The following KCNH8 variants were observed in gnomAD, a reference collection of about 807,000 sequenced individuals.
KCNH8 encodes potassium voltage-gated channel subfamily H member 8, also known as voltage-gated delayed rectifier potassium channel KCNH8.
A neutral mutation model predicts 103.6 loss-of-function variants in KCNH8; 70 were observed. That is an observed-to-expected ratio of 0.68 (90% CI 0.56 to 0.82). KCNH8 has a LOEUF of 0.82. KCNH8 is among the 40% of genes least tolerant of loss of function. The pLI, the probability that KCNH8 is intolerant of heterozygous loss-of-function variation, is 0.00. For missense variants in KCNH8, 1,217 were observed against 1,329.9 expected, an observed-to-expected ratio of 0.92 and a Z score of 1.32; for synonymous variants, 498 against 489.4, an observed-to-expected ratio of 1.02 and a Z score of -0.23.
At chr3:19,357,007 A>T (rs9831335) in intron 5 of KCNH8, among the ~76,000 whole-genome samples, 15,105 of 151,688 alleles carry the variant, frequency 0.1, 914 homozygotes, top group East Asian at 0.17. Context: ...TGAAAAATTT[A>T]AAAAAAAGCA....
chr3:19,517,255 C>T (rs994203888), intron 14 of KCNH8, among the ~76,000 whole-genome samples: 1 of 152,004 alleles, frequency 6.6e-6, no homozygotes, highest in Non-Finnish European at 1.5e-5. Context: ...AATGGATTAC[C>T]TCTGCAAGAT....
chr3:19,447,879 A>C (rs2067385791), intron 8 of KCNH8, among the ~76,000 whole-genome samples: 1 of 152,036 alleles, frequency 6.6e-6, no homozygotes, highest in African/African-American at 2.4e-5. Context: ...GTTGGGAAAC[A>C]TTTAATTTTT....
chr3:19,338,624 A>C (rs141264228), intron 3 of KCNH8, among the ~76,000 whole-genome samples: 1 of 152,036 alleles, frequency 6.6e-6, no homozygotes, highest in African/African-American at 2.4e-5. Context: ...TGGATATTGT[A>C]TTTTCTAGCC....
intron 7 of KCNH8, among the ~76,000 whole-genome samples, chr3:19,430,352 C>G (rs550360050): frequency 9.2e-5 from 14 of 152,094 alleles, no homozygotes; most frequent in African/African-American, 2.9e-4. Context: ...TAGTGCCGTG[C>G]TCTTTTGGTT....
intron 3 of KCNH8, among the ~76,000 whole-genome samples, chr3:19,311,405 G>A (rs927503728): frequency 7.9e-5 from 12 of 151,416 alleles, no homozygotes; most frequent in African/African-American, 2.7e-4. Context: ...TGTACAGCCC[G>A]GTTGCAGAGC....
intron 1 of KCNH8, among the ~76,000 whole-genome samples, chr3:19,232,917 T>G (rs1052642535): frequency 6.6e-6 from 1 of 152,180 alleles, no homozygotes; most frequent in Non-Finnish European, 1.5e-5. Context: ...TTTTTATATA[T>G]TGCTGATGTT....
At chr3:19,266,076 C>T (rs1033887618) in intron 2 of KCNH8, among the ~76,000 whole-genome samples, 11 of 152,038 alleles carry the variant, frequency 7.2e-5, no homozygotes, top group Admixed American at 4.6e-4. Context: ...CTGCAATCCC[C>T]AAGTGTGCAT....
chr3:19,298,512 T>C (rs896598988), intron 3 of KCNH8, among the ~76,000 whole-genome samples: 1 of 152,142 alleles, frequency 6.6e-6, no homozygotes, highest in Non-Finnish European at 1.5e-5. Context: ...AAGAAATCAA[T>C]TGTGAAAGTA....
intron 1 of KCNH8, among the ~76,000 whole-genome samples, chr3:19,149,174 T>G (rs2063104392): frequency 6.6e-6 from 1 of 152,100 alleles, no homozygotes; most frequent in Admixed American, 6.5e-5. Flanking sequence ...GCTCCCTAGA[T>G]CAAAAGGAGA....
chr3:19,439,220 T>C (rs1373544439), intron 8 of KCNH8, among the ~76,000 whole-genome samples: 1 of 152,184 alleles, frequency 6.6e-6, no homozygotes, highest in African/African-American at 2.4e-5. Flanking sequence ...GAGAATTTTA[T>C]GACAATCAAA....
intron 5 of KCNH8, among the ~76,000 whole-genome samples, chr3:19,349,009 C>T (rs963048428): frequency 5.3e-5 from 8 of 151,664 alleles, no homozygotes; most frequent in African/African-American, 1.5e-4. Context: ...AGTTTGTGTG[C>T]TCTTGGTATG....
At chr3:19,463,009 T>C (rs2067664356) in intron 11 of KCNH8, among the ~76,000 whole-genome samples, 1 of 152,202 alleles carries the variant, frequency 6.6e-6, no homozygotes, top group African/African-American at 2.4e-5. Flanking sequence ...GTACTAAATA[T>C]GTACACACGT....
intron 1 of KCNH8, among the ~76,000 whole-genome samples, chr3:19,204,934 A>G (rs1002399167): frequency 2.6e-5 from 4 of 152,114 alleles, no homozygotes; most frequent in African/African-American, 9.6e-5. Flanking sequence ...GAGGACAAAT[A>G]CATGGACAAG....
chr3:19,179,617 T>A (rs1051052599), intron 1 of KCNH8, among the ~76,000 whole-genome samples: 5 of 152,132 alleles, frequency 3.3e-5, no homozygotes, highest in Non-Finnish European at 7.4e-5. Context: ...CAGAATGAAA[T>A]AATAGTAACA....
chr3:19,411,964 C>T (rs1392715655), intron 7 of KCNH8, among the ~76,000 whole-genome samples: 1 of 151,742 alleles, frequency 6.6e-6, no homozygotes, highest in Non-Finnish European at 1.5e-5. Context: ...ACACAATCTA[C>T]AGACTCAGCA....
At chr3:19,168,894 G>T (rs979853978) in intron 1 of KCNH8, among the ~76,000 whole-genome samples, 4 of 151,926 alleles carry the variant, frequency 2.6e-5, no homozygotes, top group Admixed American at 6.6e-5. Flanking sequence ...TCTCAGGGTC[G>T]GTTTTCAAAC....
chr3:19,225,868 T>C (rs916789603), intron 1 of KCNH8, among the ~76,000 whole-genome samples: 33 of 152,216 alleles, frequency 2.2e-4, no homozygotes, highest in Non-Finnish European at 4.3e-4. Context: ...AGTGATATTT[T>C]CCTCCATAAG....
chr3:19,293,448 G>C (rs189068288), intron 3 of KCNH8, among the ~76,000 whole-genome samples: 6 of 152,300 alleles, frequency 3.9e-5, no homozygotes, highest in Non-Finnish European at 8.8e-5. Context: ...CTGAGGGACT[G>C]ACACTTCAGC....
At chr3:19,173,567 T>G (rs1264251087) in intron 1 of KCNH8, among the ~76,000 whole-genome samples, 2 of 152,126 alleles carry the variant, frequency 1.3e-5, no homozygotes, top group Non-Finnish European at 2.9e-5. Flanking sequence ...GTGCCCAGTT[T>G]GTAAGTTTCA....
Sources: gnomAD v4.1 joint callset for allele counts (sites outside exome capture counted in the v4.1 genomes callset) on GRCh38, gnomAD v4.1.1 for gene constraint, MANE v1.5 for transcripts, NCBI Gene and HGNC (gene_info 2026-07-23, HGNC 2026-07-21) for gene names.